The following PCDHA11 variants were observed in gnomAD, a reference collection of about 807,000 sequenced individuals.
PCDHA11 encodes the protein protocadherin alpha-11.
A neutral mutation model predicts 70.3 loss-of-function variants in PCDHA11; 61 were observed. The observed-to-expected ratio is 0.87, with a 90% CI of 0.71 to 1.07. The LOEUF is 1.07. PCDHA11 is among the 50% of genes least tolerant of loss of function. PCDHA11 has a pLI of 0.00. For missense variants in PCDHA11, 1,324 were observed against 1,237.5 expected (o/e 1.07, Z -1.05); for synonymous variants, 633 against 555.1 (o/e 1.14, Z -1.97).
At chr5:140,987,334 C>A (rs925665306) in intron 3 of PCDHA11, among the ~76,000 whole-genome samples, 1 of 152,086 alleles carries the variant, frequency 6.6e-6, no homozygotes, top group East Asian at 1.9e-4. Flanking sequence ...AAGAACTGGT[C>A]TAAGGTAAAT....
intron 1 of PCDHA11, chr5:140,877,895 G>T (rs1554170219): frequency 1.4e-6 from 2 of 1,447,634 alleles, no homozygotes; most frequent in South Asian, 3.1e-5. Context: ...TTCCGTTTAG[G>T]TTATAACTAC....
At chr5:140,874,492 C>G (rs1289000541) in intron 1 of PCDHA11, among the ~76,000 whole-genome samples, 2 of 152,196 alleles carry the variant, frequency 1.3e-5, no homozygotes, top group Non-Finnish European at 2.9e-5. Context: ...AGGTTGATAT[C>G]AAGTTCACAT....
chr5:141,009,724 T>C lies in PCDHA11; in HGVS notation c.2637T>C (p.Gly879=). ...KYGPGNPKQS[G]PGELPDKFII... The stretch of plus-strand genomic sequence containing the variant: ...GACCAGGCAACCCCAAACAATCCGG[T>C]CCCGGTGAGTTGCCCGACAAATTCA... Residue 879 remains glycine, a synonymous_variant, in exon 4 of 4, where the codon GGT becomes GGC. Transcript: ENST00000398640. 6.2e-7 allele frequency: 1 copy of C among 1,614,116 alleles called. No individual in the cohort carries two copies. Among genetic ancestry groups the C allele is most frequent in the South Asian group, 1.1e-5 (1 of 91,062 alleles).
In PCDHA11 at chr5:140,870,178, C is replaced by T. The variant is rs2051730547; in HGVS notation, c.1075C>T (p.Arg359Ter). 4 of 1,614,094 alleles carry T rather than the reference C, an allele frequency of 2.5e-6. No homozygotes were observed. Among genetic ancestry groups the T allele is most frequent in the East Asian group, 2.2e-5 (1 of 44,880 alleles). The change falls in exon 1 of 4, where the codon CGA becomes TGA. Residue 359 changes from arginine to a stop codon, truncating the protein, a stop_gained. Coordinates refer to ENST00000398640, the MANE Select transcript of PCDHA11 (RefSeq NM_018902.5). LOFTEE classifies it high-confidence loss of function. ...VAVTSLSLPV[R>*]EDAQPSTVIA... Reference sequence around the variant, plus strand: ...CGTGACTTCCTTGTCCCTCCCAGTACGAGAGGACGCTCAGCCCAGCACGGT... The same window carrying T: ...CGTGACTTCCTTGTCCCTCCCAGTATGAGAGGACGCTCAGCCCAGCACGGT...
intron 1 of PCDHA11, among the ~76,000 whole-genome samples, chr5:140,872,454 C>T (rs1410815153): frequency 1.3e-5 from 2 of 152,062 alleles, no homozygotes; most frequent in Non-Finnish European, 2.9e-5. Context: ...TAGCGAGATC[C>T]TGTCTCTATA....
At position 140,869,703 on chromosome 5, in the gene PCDHA11, G is replaced by A; in HGVS notation, c.600G>A (p.Leu200=). The change falls in exon 1 of 4, where the codon CTG becomes CTA. Residue 200 remains leucine (L), a synonymous_variant. Transcript: ENST00000398640. ...KRLSLILKKS[L]DREKTPELNL... ...TGTCACTTATTTTAAAGAAGTCTCT[G>A]GATAGAGAGAAAACTCCGGAACTTA... The A allele has an allele frequency of 6.2e-7, 1 of 1,613,428 alleles. No homozygotes were observed. The highest frequency in any genetic ancestry group is 8.5e-7 in the Non-Finnish European group (1 of 1,179,860).
intron 1 of PCDHA11, chr5:140,967,458 A>T (rs1042156831): frequency 6.2e-7 from 1 of 1,613,546 alleles, no homozygotes; most frequent in Non-Finnish European, 8.5e-7. Flanking sequence ...ACAGCCGTGG[A>T]TGGGGGCATC....
At chr5:140,979,525 T>A (rs1347519268) in intron 2 of PCDHA11, among the ~76,000 whole-genome samples, 1 of 152,244 alleles carries the variant, frequency 6.6e-6, no homozygotes, top group Non-Finnish European at 1.5e-5. Flanking sequence ...TGTTGCTATC[T>A]TATTGTCATC....
At position 140,869,750 on chromosome 5, in the gene PCDHA11, A is replaced by T. The variant is rs1467855920; in HGVS notation, c.647A>T (p.Asp216Val). Reference protein sequence around the residue: ...PELNLLLTATDGGKPELTGTV... With the variant: ...PELNLLLTATVGGKPELTGTV... ...CTTAATTTGCTGCTAACAGCTACAGACGGGGGAAAACCAGAGCTTACTGGC... is the reference window on the plus strand; with the variant it reads ...CTTAATTTGCTGCTAACAGCTACAGTCGGGGGAAAACCAGAGCTTACTGGC... The change falls in exon 1 of 4, where the codon GAC (aspartate) becomes GTC (valine). Residue 216 changes from aspartate to valine, a missense_variant. By Grantham distance (152) the Asp-to-Val change is radical (BLOSUM62 -3). Transcript: ENST00000398640. 6.2e-7 allele frequency: 1 copy of T among 1,613,280 alleles called. No individual in the cohort carries two copies. Among genetic ancestry groups the T allele is most frequent in the Non-Finnish European group, 8.5e-7 (1 of 1,179,784 alleles).
intron 1 of PCDHA11, among the ~76,000 whole-genome samples, chr5:140,960,936 T>G (rs1198055000): frequency 6.6e-6 from 1 of 152,210 alleles, no homozygotes. Flanking sequence ...CTAAGTTTAG[T>G]GAATTAGAAA....
chr5:140,967,794 T>G, intron 1 of PCDHA11: 1 of 1,614,178 alleles, frequency 6.2e-7, no homozygotes. Flanking sequence ...CGGGGTCCAG[T>G]GCCCATGGCA....
At chr5:140,896,451 C>T (rs1173407136) in intron 1 of PCDHA11, among the ~76,000 whole-genome samples, 1 of 152,112 alleles carries the variant, frequency 6.6e-6, no homozygotes, top group Non-Finnish European at 1.5e-5. Flanking sequence ...CAACCTCCAC[C>T]TCCTGGGTTC....
chr5:140,902,316 G>C (rs2069370797), intron 1 of PCDHA11, among the ~76,000 whole-genome samples: 1 of 151,402 alleles, frequency 6.6e-6, no homozygotes, highest in Non-Finnish European at 1.5e-5. Context: ...GGGATTACAG[G>C]TGTAACTCAC....
intron 1 of PCDHA11, chr5:140,927,762 T>A (rs781993567): frequency 1.8e-5 from 29 of 1,613,934 alleles, no homozygotes; most frequent in Non-Finnish European, 2.4e-5. Context: ...ACCCTAAAAG[T>A]GGGGAGGTGC....
chr5:140,886,189 G>A (rs2060889525), intron 1 of PCDHA11, among the ~76,000 whole-genome samples: 1 of 152,090 alleles, frequency 6.6e-6, no homozygotes. Context: ...ATGCTGGCAA[G>A]CAGTAATCTG....
At chr5:140,956,953 CTG>C (rs1217178036) in intron 1 of PCDHA11, among the ~76,000 whole-genome samples, 2 of 135,202 alleles carry the variant, frequency 1.5e-5, no homozygotes, top group African/African-American at 2.6e-5. Flanking sequence ...CATTAAAACA[CTG>C]TAATTAATCA....
At chr5:140,876,555 G>A (rs782622293) in intron 1 of PCDHA11, 18 of 1,614,072 alleles carry the variant, frequency 1.1e-5, no homozygotes, top group Admixed American at 3.3e-5. Flanking sequence ...CTGTGCAAGA[G>A]GATGCTCAGG....
intron 1 of PCDHA11, among the ~76,000 whole-genome samples, chr5:140,920,661 T>C (rs1301918138): frequency 3.9e-5 from 6 of 152,042 alleles, no homozygotes; most frequent in African/African-American, 1.4e-4. Flanking sequence ...CTTGCCAACA[T>C]GGTGAAACCC....
chr5:140,988,444 A>G (rs1554250146), intron 3 of PCDHA11, among the ~76,000 whole-genome samples: 1 of 152,112 alleles, frequency 6.6e-6, no homozygotes, highest in Non-Finnish European at 1.5e-5. Flanking sequence ...GATTGACCTG[A>G]AGGGAGGAAG....
Sources: gnomAD v4.1 joint callset for allele counts (sites outside exome capture counted in the v4.1 genomes callset) on GRCh38, gnomAD v4.1.1 for gene constraint, MANE v1.5 for transcripts, NCBI Gene and HGNC (gene_info 2026-07-23, HGNC 2026-07-21) for gene names.